Variants in ERC1 observed in about 807,000 individuals in gnomAD.
ERC1 encodes RAB6 interacting protein 2.
ERC1 carries 56 observed loss-of-function variants against 132.0 expected under a neutral mutation model. The observed-to-expected ratio is 0.42, with a 90% confidence interval of 0.34 to 0.53. The LOEUF (loss-of-function observed/expected upper bound fraction) is 0.53. Ranked by LOEUF, ERC1 falls within the 20% of genes least tolerant of loss-of-function variation. ERC1 has a pLI of 0.03. For missense variants in ERC1, 1,202 were observed against 1,349.9 expected, an observed-to-expected ratio of 0.89 and a Z score of 1.72; for synonymous variants, 478 against 476.1, an observed-to-expected ratio of 1.00 and a Z score of -0.05.
At chr12:1,155,655 T>G (rs2154257965) in intron 8 of ERC1, among the ~76,000 whole-genome samples, 1 of 152,170 alleles carries the variant, frequency 6.6e-6, no homozygotes, top group South Asian at 2.1e-4. Context: ...TTTTTGTATT[T>G]TTAGTAGAGA....
chr12:1,083,151 G>T lies in ERC1; in HGVS notation c.670-13G>T. 1 of 1,589,662 alleles carries T rather than the reference G, an allele frequency of 6.3e-7. No individual in the cohort carries two copies. The highest frequency in any genetic ancestry group is 1.4e-5 in the African/African-American group (1 of 73,586). On this transcript the variant is annotated splice_polypyrimidine_tract_variant and intron_variant, in intron 2 of 18. Transcript: ENST00000360905. ...AAGCTGATTTGGGGGTTTTCTTTTT[G>T]TCTTGGTTCTAGCACATGCAGATGA... is the stretch of plus-strand genomic sequence containing the variant.
intron 13 of ERC1, among the ~76,000 whole-genome samples, chr12:1,252,534 A>G (rs141766646): frequency 1.3e-5 from 2 of 152,312 alleles, no homozygotes; most frequent in Admixed American, 6.5e-5. Flanking sequence ...TTTGTACTCT[A>G]TGCTCTGTAA....
intron 15 of ERC1, among the ~76,000 whole-genome samples, chr12:1,317,152 ACT>A (rs2081800624): frequency 1.3e-5 from 2 of 148,430 alleles, no homozygotes; most frequent in Admixed American, 6.8e-5. Context: ...CAAGAGAGAA[ACT>A]CTGTCTCAAA....
chr12:1,283,428 A>C, intron 14 of ERC1, among the ~76,000 whole-genome samples: 1 of 152,232 alleles, frequency 6.6e-6, no homozygotes, highest in Non-Finnish European at 1.5e-5. Context: ...AATACTGTAC[A>C]ACTGCTCAGT....
Position 1,434,598 on chromosome 12 carries a change from C to G in ERC1, c.3025-9964C>G, listed in dbSNP as rs140180653. On this transcript the variant is annotated intron_variant, in intron 17 of 18. Coordinates refer to ENST00000360905, the MANE Select transcript of ERC1 (RefSeq NM_178040.4). Reference sequence around the variant, plus strand: ...TTCCCACTTCCCAGTGGGGCTGCCCCCCTTTGCCACTACCCTTCAGAATTG... The same window carrying G: ...TTCCCACTTCCCAGTGGGGCTGCCCGCCTTTGCCACTACCCTTCAGAATTG... Among the ~76,000 whole-genome samples, 1,397 of 152,310 alleles carry G rather than the reference C, an allele frequency of 9.2e-3. 21 individuals carry two copies. Among genetic ancestry groups the G allele is most frequent in the African/African-American group, 0.033 (1,351 of 41,552 alleles).
At chr12:1,258,261 A>G (rs1319770451) in intron 13 of ERC1, among the ~76,000 whole-genome samples, 2 of 152,214 alleles carry the variant, frequency 1.3e-5, no homozygotes, top group Non-Finnish European at 2.9e-5. Flanking sequence ...AATTAGGGAT[A>G]GTACATAGTA....
intron 7 of ERC1, among the ~76,000 whole-genome samples, chr12:1,119,644 G>A (rs1946856373): frequency 6.6e-6 from 1 of 151,712 alleles, no homozygotes; most frequent in Non-Finnish European, 1.5e-5. Flanking sequence ...CTCGCCTCCT[G>A]GGTTCAAGCG....
chr12:1,337,904 G>A (rs534198784), intron 15 of ERC1, among the ~76,000 whole-genome samples: 1 of 152,148 alleles, frequency 6.6e-6, no homozygotes, highest in East Asian at 1.9e-4. Context: ...TGAGAGGTCC[G>A]CTGTTAGTCT....
chr12:1,400,953 T>TTTTTTG lies in ERC1; in HGVS notation c.2926-7196_2926-7195insTTTTTG, dbSNP rs1477365626. 2.7e-4 allele frequency among the ~76,000 whole-genome samples: 24 copies of TTTTTTG among 90,342 alleles called. 2 individuals are homozygous for TTTTTTG. The highest frequency in any genetic ancestry group is 3.3e-4 in the Non-Finnish European group (14 of 42,176). The allele number at this position is 90,342 out of a possible 152,430, so 59.3% of individuals were successfully genotyped here. A position where few individuals can be genotyped will look rare whatever the true frequency, so the allele number is the denominator to read the frequency against. On this transcript the variant is annotated intron_variant, in intron 16 of 18. Transcript: ENST00000360905. Reference sequence around the variant, plus strand: ...TTTTTTTTTTTTTTTTTTTTTTTTTTGTGACGGAGTCTTGCTCTATCGCCC... The same window carrying TTTTTTG: ...TTTTTTTTTTTTTTTTTTTTTTTTTTTTTTTGGTGACGGAGTCTTGCTCTATCGCCC...
intron 16 of ERC1, among the ~76,000 whole-genome samples, chr12:1,389,865 G>A (rs1485752789): frequency 2.0e-5 from 3 of 152,172 alleles, no homozygotes; most frequent in Non-Finnish European, 4.4e-5. Context: ...TAAAAAATCT[G>A]TTTTGCATTC....
chr12:1,356,363 T>C (rs973255707), intron 15 of ERC1, among the ~76,000 whole-genome samples: 1 of 152,008 alleles, frequency 6.6e-6, no homozygotes, highest in African/African-American at 2.4e-5. Context: ...TGTTTTAAAA[T>C]ATGCAAAAGT....
intron 7 of ERC1, among the ~76,000 whole-genome samples, chr12:1,127,010 A>C (rs1454075750): frequency 7.1e-6 from 1 of 141,370 alleles, no homozygotes; most frequent in Non-Finnish European, 1.6e-5. Context: ...AAAAAAAAAA[A>C]AAACCTCAAA....
chr12:1,066,235 G>A (rs1353919097), intron 2 of ERC1, among the ~76,000 whole-genome samples: 3 of 152,036 alleles, frequency 2.0e-5, no homozygotes, highest in South Asian at 4.1e-4. Context: ...ACAAATATTC[G>A]CTATGGCGAT....
intron 2 of ERC1, among the ~76,000 whole-genome samples, chr12:1,038,899 T>C (rs1389637431): frequency 6.6e-6 from 1 of 152,102 alleles, no homozygotes; most frequent in Non-Finnish European, 1.5e-5. Flanking sequence ...TCCATGAGAT[T>C]TTCAAAGAAA....
chr12:1,213,300 A>G (rs556070355), intron 12 of ERC1, among the ~76,000 whole-genome samples: 4 of 152,304 alleles, frequency 2.6e-5, no homozygotes, highest in Admixed American at 2.6e-4. Context: ...TTCACCATCT[A>G]ATGTGAGTGA....
chr12:1,408,114 A>T, intron 16 of ERC1, 35 bp from the exon 17 acceptor site: 1 of 1,471,330 alleles, frequency 6.8e-7, no homozygotes, highest in Non-Finnish European at 9.5e-7. Context: ...TAGAAACTTT[A>T]CTTAAATTTA....
At chr12:1,325,610 A>AT in intron 15 of ERC1, among the ~76,000 whole-genome samples, 1 of 152,164 alleles carries the variant, frequency 6.6e-6, no homozygotes, top group African/African-American at 2.4e-5. Flanking sequence ...TTTTATATAT[A>AT]TTTTAACTTT....
At chr12:1,401,081 G>T (rs1208634502) in intron 16 of ERC1, among the ~76,000 whole-genome samples, 1 of 151,324 alleles carries the variant, frequency 6.6e-6, no homozygotes, top group East Asian at 1.9e-4. Context: ...GACTACAGAC[G>T]CCCACCGCTG....
chr12:1,244,205 T>C (rs932051985), intron 13 of ERC1, among the ~76,000 whole-genome samples: 2 of 152,238 alleles, frequency 1.3e-5, no homozygotes, highest in Non-Finnish European at 2.9e-5. Flanking sequence ...TCTAGAAGTA[T>C]TTAATAATTG....
Sources: allele counts gnomAD v4.1 joint callset (sites outside exome capture counted in the v4.1 genomes callset), GRCh38; gene constraint gnomAD v4.1.1; transcripts MANE v1.5; gene names NCBI Gene and HGNC (gene_info 2026-07-23, HGNC 2026-07-21).